Variants in GABRG3 observed in about 807,000 individuals in gnomAD.
GABRG3 encodes the protein gamma-aminobutyric acid receptor subunit gamma-3.
GABRG3 carries 25 observed loss-of-function variants against 48.8 expected under a neutral mutation model. The observed-to-expected ratio is 0.51, with a 90% CI of 0.37 to 0.72. GABRG3 has a LOEUF of 0.72. GABRG3 is among the 30% of genes least tolerant of loss of function. The pLI, the probability that GABRG3 is intolerant of heterozygous loss-of-function variation, is 0.00. For synonymous variants in GABRG3, 227 were observed against 217.6 expected, an observed-to-expected ratio of 1.04 and a Z score of -0.38; for missense variants, 394 against 577.9, an observed-to-expected ratio of 0.68 and a Z score of 3.26.
At chr15:27,184,736 G>A (rs569320326) in intron 3 of GABRG3, among the ~76,000 whole-genome samples, 1 of 152,262 alleles carries the variant, frequency 6.6e-6, no homozygotes, top group South Asian at 2.1e-4. Flanking sequence ...GGACCATACA[G>A]GTTGTGTTTA....
chr15:27,181,622 G>A (rs1179270091), intron 3 of GABRG3, among the ~76,000 whole-genome samples: 1 of 152,168 alleles, frequency 6.6e-6, no homozygotes, highest in African/African-American at 2.4e-5. Flanking sequence ...CGTCTTTGTG[G>A]AAGCAGTTGT....
At chr15:27,214,506 G>A (rs137889312) in intron 3 of GABRG3, among the ~76,000 whole-genome samples, 1 of 148,870 alleles carries the variant, frequency 6.7e-6, no homozygotes, top group African/African-American at 2.5e-5. Context: ...GGTAAGCTAC[G>A]TATGAAGAAA....
rs984309137 is a variant in GABRG3 at position 27,199,811 on chromosome 15, A to G, written c.271-126998A>G. On this transcript the variant is annotated intron_variant, in intron 3 of 9. Coordinates refer to ENST00000615808, the MANE Select transcript of GABRG3 (RefSeq NM_033223.5). ...ATTTCTTTATAGCAATGCAAAATGG[A>G]CTAAGAAACTTACCCTTTAAATTTT... 2.0e-5 allele frequency among the ~76,000 whole-genome samples: 3 copies of G among 152,280 alleles called. No homozygotes were observed. In the East Asian group the frequency reaches 5.8e-4, roughly 29 times the overall value.
chr15:27,051,252 T>G (rs1896450892), intron 3 of GABRG3, among the ~76,000 whole-genome samples: 2 of 152,256 alleles, frequency 1.3e-5, no homozygotes, highest in South Asian at 4.1e-4. Context: ...TACTGGCAAT[T>G]TAGAATCTCA....
At chr15:27,155,052 T>G (rs1182677788) in intron 3 of GABRG3, among the ~76,000 whole-genome samples, 3 of 152,166 alleles carry the variant, frequency 2.0e-5, no homozygotes, top group Non-Finnish European at 4.4e-5. Context: ...GACTGGTCTC[T>G]GAGGCTCTGT....
chr15:27,453,904 C>A (rs1204847212), intron 5 of GABRG3, among the ~76,000 whole-genome samples: 1 of 152,168 alleles, frequency 6.6e-6, no homozygotes, highest in African/African-American at 2.4e-5. Context: ...ACCCAGCCAA[C>A]TTCTTAAGCC....
chr15:27,263,043 C>G (rs976206839), intron 3 of GABRG3, among the ~76,000 whole-genome samples: 1 of 152,176 alleles, frequency 6.6e-6, no homozygotes, highest in Non-Finnish European at 1.5e-5. Flanking sequence ...ATAAATTCCA[C>G]TTTGGAAAGG....
intron 3 of GABRG3, among the ~76,000 whole-genome samples, chr15:27,166,586 G>T (rs1887379614): frequency 6.6e-6 from 1 of 152,012 alleles, no homozygotes; most frequent in Admixed American, 6.6e-5. Context: ...ATGCCTTTCA[G>T]CTCCCATGAC....
At chr15:27,231,641 G>A (rs1254824925) in intron 3 of GABRG3, among the ~76,000 whole-genome samples, 2 of 152,214 alleles carry the variant, frequency 1.3e-5, no homozygotes, top group Non-Finnish European at 2.9e-5. Flanking sequence ...GGCTGGTCAA[G>A]GCTGACATCC....
Position 27,539,062 on chromosome 15 carries a change from A to C in GABRG3, c.*6181A>C, listed in dbSNP as rs1211418521. ...TTTTTCCAATACATAGCAATGTGTA[A>C]AATAGACTCCCAAATCTCCTTTGGG... On this transcript the variant is annotated 3_prime_UTR_variant, in exon 10 of 10. Coordinates refer to ENST00000615808, the MANE Select transcript of GABRG3 (RefSeq NM_033223.5). 6.6e-6 allele frequency: 1 copy of C among 152,204 alleles called. No homozygotes were observed. The highest frequency in any genetic ancestry group is 1.5e-5 in the Non-Finnish European group (1 of 68,036). 9.4% of individuals were successfully genotyped at this position (152,204 alleles called of 1,614,324 possible).
At chr15:26,985,256 G>A (rs989118678) in intron 2 of GABRG3, among the ~76,000 whole-genome samples, 12 of 152,150 alleles carry the variant, frequency 7.9e-5, no homozygotes, top group Admixed American at 7.9e-4. Context: ...CAGCTTTCCA[G>A]GCTGGACATG....
intron 9 of GABRG3, among the ~76,000 whole-genome samples, chr15:27,529,889 T>TAAAAAAAAAA (rs539243697): frequency 8.6e-6 from 1 of 116,630 alleles, no homozygotes; most frequent in Non-Finnish European, 1.8e-5. Context: ...AGCAGAAAAT[T>TAAAAAAAAAA]AAAAAAAAAA....
intron 5 of GABRG3, among the ~76,000 whole-genome samples, chr15:27,433,309 T>C (rs112362859): frequency 0.045 from 6,803 of 152,304 alleles, 174 homozygotes; most frequent in Middle Eastern, 0.11. Flanking sequence ...ATTTTCAGTT[T>C]GGGTGGCCAG....
chr15:27,331,365 TAAAC>T lies in GABRG3; in HGVS notation c.574+2482_574+2485del, dbSNP rs369863434. 3.3e-3 allele frequency among the ~76,000 whole-genome samples: 499 copies of T among 152,188 alleles called. 2 individuals carry two copies. The highest frequency in any genetic ancestry group is 0.012 in the African/African-American group (479 of 41,504). ...AGATGTCCTTTGGTAAGAGAATGGA[TAAAC>T]AAACCACGGCATATTCATGCAATGG... On this transcript the variant is annotated intron_variant, in intron 5 of 9. Coordinates refer to ENST00000615808, the MANE Select transcript of GABRG3 (RefSeq NM_033223.5).
At chr15:27,386,118 T>G (rs546723004) in intron 5 of GABRG3, among the ~76,000 whole-genome samples, 1 of 152,286 alleles carries the variant, frequency 6.6e-6, no homozygotes, top group African/African-American at 2.4e-5. Context: ...TCGTCTTCTC[T>G]CTCTCTCTTT....
chr15:27,159,059 T>A (rs1481353304), intron 3 of GABRG3, among the ~76,000 whole-genome samples: 1 of 152,210 alleles, frequency 6.6e-6, no homozygotes, highest in Non-Finnish European at 1.5e-5. Context: ...TACAAAGGAC[T>A]TTATTTTTTA....
Position 27,159,430 on chromosome 15 carries a change from C to T in GABRG3, c.270+132609C>T, listed in dbSNP as rs368694589. ...CTGGGAGGTGGAGATTGCAGTGATC[C>T]GAGATTGCGCCACTGCACTTCAGCC... is the stretch of plus-strand genomic sequence containing the variant. On this transcript the variant is annotated intron_variant, in intron 3 of 9. Transcript: ENST00000615808. 2.9e-4 allele frequency among the ~76,000 whole-genome samples: 44 copies of T among 151,718 alleles called. 1 individual carries two copies. The highest frequency in any genetic ancestry group is 1.0e-3 in the African/African-American group (42 of 41,380).
At chr15:27,518,195 CAAAA>C (rs58222645) in intron 6 of GABRG3, among the ~76,000 whole-genome samples, 1 of 88,028 alleles carries the variant, frequency 1.1e-5, no homozygotes, top group East Asian at 3.4e-4. Flanking sequence ...ACTAAAAATA[CAAAA>C]AAAAAAAAAA....
At chr15:27,221,044 A>T (rs566287205) in intron 3 of GABRG3, among the ~76,000 whole-genome samples, 17 of 152,174 alleles carry the variant, frequency 1.1e-4, no homozygotes, top group Admixed American at 2.0e-4. Context: ...GATGTCCTTA[A>T]TAAACAAGAT....
Sources: gnomAD v4.1 joint callset for allele counts (sites outside exome capture counted in the v4.1 genomes callset) on GRCh38, gnomAD v4.1.1 for gene constraint, MANE v1.5 for transcripts, NCBI Gene and HGNC (gene_info 2026-07-23, HGNC 2026-07-21) for gene names.